The following FSTL5 variants were observed in gnomAD, a reference collection of about 807,000 sequenced individuals.
The protein encoded by FSTL5 is follistatin-related protein 5.
A neutral mutation model predicts 89.1 loss-of-function variants in FSTL5; 62 were observed. The ratio of observed to expected loss-of-function variants is 0.70; its 90% CI spans 0.57 to 0.86. The LOEUF (loss-of-function observed/expected upper bound fraction) is 0.86, where lower values mean the gene tolerates loss of function less well. FSTL5 is among the 40% of genes least tolerant of loss of function. The pLI is 0.00. For synonymous variants in FSTL5, 383 were observed against 346.2 expected, an observed-to-expected ratio of 1.11 and a Z score of -1.18; for missense variants, 1,057 against 1,001.6, an observed-to-expected ratio of 1.06 and a Z score of -0.75.
intron 15 of FSTL5, among the ~76,000 whole-genome samples, chr4:161,443,852 C>T (rs1015544422): frequency 2.0e-5 from 3 of 151,862 alleles, no homozygotes; most frequent in African/African-American, 7.2e-5. Context: ...TACTCAGGTT[C>T]TTCTTGGCTG....
At chr4:161,415,681 A>G (rs199883020) in intron 15 of FSTL5, among the ~76,000 whole-genome samples, 7 of 147,558 alleles carry the variant, frequency 4.7e-5, no homozygotes, top group East Asian at 4.0e-4. Context: ...GAGAGAGAGA[A>G]AGAGAGAGAA....
intron 2 of FSTL5, among the ~76,000 whole-genome samples, chr4:162,079,755 GA>G (rs771960460): frequency 1.3e-4 from 19 of 151,096 alleles, no homozygotes; most frequent in East Asian, 7.8e-4. Flanking sequence ...TGAAATAGAA[GA>G]AAAAAACTAC....
intron 2 of FSTL5, among the ~76,000 whole-genome samples, chr4:162,096,926 T>C (rs1330203903): frequency 2.0e-5 from 3 of 151,960 alleles, no homozygotes; most frequent in Non-Finnish European, 2.9e-5. Context: ...AACAGAAATG[T>C]AGAACTCAGT....
At chr4:161,483,298 T>A (rs1446801922) in intron 12 of FSTL5, among the ~76,000 whole-genome samples, 1 of 152,228 alleles carries the variant, frequency 6.6e-6, no homozygotes, top group Non-Finnish European at 1.5e-5. Flanking sequence ...GAACTAAGGT[T>A]GGTGAAAGGC....
intron 8 of FSTL5, among the ~76,000 whole-genome samples, chr4:161,564,683 T>G (rs986245386): frequency 3.3e-5 from 5 of 151,646 alleles, no homozygotes; most frequent in African/African-American, 9.7e-5. Flanking sequence ...GCATTTTTAT[T>G]ATTTATAAAC....
intron 3 of FSTL5, among the ~76,000 whole-genome samples, chr4:161,938,454 G>A (rs1370215611): frequency 1.3e-5 from 2 of 151,958 alleles, no homozygotes; most frequent in African/African-American, 4.8e-5. Flanking sequence ...AGGTAGATAT[G>A]GATATCCAGC....
At chr4:161,709,919 A>C (rs1738720023) in intron 6 of FSTL5, among the ~76,000 whole-genome samples, 1 of 152,200 alleles carries the variant, frequency 6.6e-6, no homozygotes, top group African/African-American at 2.4e-5. Context: ...TGGTGGCAGT[A>C]ATAGCAAAGA....
At chr4:161,968,459 C>A (rs187604447) in intron 3 of FSTL5, among the ~76,000 whole-genome samples, 1 of 152,092 alleles carries the variant, frequency 6.6e-6, no homozygotes, top group Non-Finnish European at 1.5e-5. Context: ...AACTGCATTA[C>A]TTTTATATGC....
intron 13 of FSTL5, among the ~76,000 whole-genome samples, chr4:161,470,169 C>T (rs1446141496): frequency 6.6e-6 from 1 of 152,014 alleles, no homozygotes; most frequent in East Asian, 1.9e-4. Flanking sequence ...TCTTAGATAT[C>T]CTTGCCAAAT....
intron 1 of FSTL5, among the ~76,000 whole-genome samples, chr4:162,137,486 T>C (rs569348652): frequency 8.8e-4 from 134 of 152,068 alleles, no homozygotes; most frequent in Non-Finnish European, 1.3e-3. Flanking sequence ...TAACAAAATC[T>C]GTCTTAACAT....
At chr4:161,962,162 C>A (rs1735199448) in intron 3 of FSTL5, among the ~76,000 whole-genome samples, 1 of 151,722 alleles carries the variant, frequency 6.6e-6, no homozygotes, top group African/African-American at 2.4e-5. Context: ...TTTTTCTACT[C>A]TATTATCACA....
At chr4:162,040,156 C>T (rs1414235672) in intron 2 of FSTL5, among the ~76,000 whole-genome samples, 2 of 152,006 alleles carry the variant, frequency 1.3e-5, no homozygotes, top group Non-Finnish European at 2.9e-5. Context: ...CAGACAAATG[C>T]TACCAATTAA....
At chr4:161,597,563 G>T (rs1016659045) in intron 7 of FSTL5, among the ~76,000 whole-genome samples, 3 of 151,578 alleles carry the variant, frequency 2.0e-5, no homozygotes, top group African/African-American at 7.3e-5. Context: ...GACCAATATG[G>T]CACATGTATA....
At chr4:161,794,404 C>G (rs550858031) in intron 4 of FSTL5, among the ~76,000 whole-genome samples, 59 of 152,262 alleles carry the variant, frequency 3.9e-4, no homozygotes, top group African/African-American at 1.4e-3. Context: ...TCACATTGGC[C>G]TAGTAGATTA....
At chr4:161,539,703 A>C (rs1313309691) in intron 9 of FSTL5, among the ~76,000 whole-genome samples, 2 of 152,102 alleles carry the variant, frequency 1.3e-5, no homozygotes, top group East Asian at 3.9e-4. Flanking sequence ...ATACAAACCA[A>C]CAACAACAAC....
intron 4 of FSTL5, among the ~76,000 whole-genome samples, chr4:161,784,237 A>G (rs939567204): frequency 2.0e-5 from 3 of 151,978 alleles, no homozygotes; most frequent in East Asian, 1.9e-4. Flanking sequence ...TGCCTTGCCA[A>G]TTATGTCTTA....
At chr4:161,973,172 GT>G (rs201435161) in intron 3 of FSTL5, among the ~76,000 whole-genome samples, 3 of 151,004 alleles carry the variant, frequency 2.0e-5, no homozygotes, top group South Asian at 2.1e-4. Flanking sequence ...AGTGTTTCAT[GT>G]TTTTTTTTCT....
intron 7 of FSTL5, among the ~76,000 whole-genome samples, chr4:161,629,214 C>T (rs1229878744): frequency 6.6e-6 from 1 of 152,208 alleles, no homozygotes; most frequent in African/African-American, 2.4e-5. Context: ...CCTACTACCA[C>T]ATACTACTCT....
intron 4 of FSTL5, among the ~76,000 whole-genome samples, chr4:161,817,192 T>C (rs1447632410): frequency 6.6e-6 from 1 of 152,170 alleles, no homozygotes; most frequent in Non-Finnish European, 1.5e-5. Context: ...GGAGAACTCA[T>C]GGCTGAAACA....
Sources: gnomAD v4.1 joint callset for allele counts (sites outside exome capture counted in the v4.1 genomes callset) on GRCh38, gnomAD v4.1.1 for gene constraint, MANE v1.5 for transcripts, NCBI Gene and HGNC (gene_info 2026-07-23, HGNC 2026-07-21) for gene names.